The following TTC7B variants were observed in gnomAD, a reference collection of about 807,000 sequenced individuals.
TTC7B encodes tetratricopeptide repeat domain 7B.
A neutral mutation model predicts 106.8 loss-of-function variants in TTC7B; 28 were observed. The observed-to-expected ratio is 0.26, with a 90% CI of 0.19 to 0.36. TTC7B has a LOEUF of 0.36. TTC7B is among the 10% of genes least tolerant of loss of function. TTC7B has a pLI of 1.00. For missense variants in TTC7B, 862 were observed against 1,076.4 expected (o/e 0.80, Z 2.79); for synonymous variants, 405 against 430.6 (o/e 0.94, Z 0.74).
chr14:90,534,649 G>C lies in TTC7B; in HGVS notation c.*6719C>G, dbSNP rs1889372767. 6.6e-6 allele frequency: 1 copy of C among 152,510 alleles called. No individual in the cohort carries two copies. Among genetic ancestry groups the C allele is most frequent in the African/African-American group, 2.4e-5 (1 of 41,476 alleles). The allele number at this position is 152,510 out of a possible 1,614,324, so 9.4% of individuals were successfully genotyped here. On this transcript the variant is annotated 3_prime_UTR_variant, in exon 20 of 20. Transcript: ENST00000328459. The stretch of plus-strand genomic sequence containing the variant: ...ATGGAGAGAGGGGGCCGAGTGGCAG[G>C]GGCCGAGCGCTGGGAGGGTATGGGG...
chr14:90,552,742 G>C (rs147400761), intron 19 of TTC7B, among the ~76,000 whole-genome samples: 298 of 152,356 alleles, frequency 2.0e-3, no homozygotes, highest in African/African-American at 6.9e-3. Context: ...GAGAGCTCCA[G>C]AAGATGTGAG....
intron 15 of TTC7B, among the ~76,000 whole-genome samples, chr14:90,639,074 A>G (rs1394681816): frequency 1.3e-5 from 2 of 152,212 alleles, no homozygotes; most frequent in Non-Finnish European, 2.9e-5. Context: ...CTTAGGTTTC[A>G]GTGTGAAAGA....
chr14:90,758,420 A>T (rs1361098690), intron 3 of TTC7B, among the ~76,000 whole-genome samples: 1 of 79,052 alleles, frequency 1.3e-5, no homozygotes, highest in Non-Finnish European at 2.5e-5. Context: ...GGTCGGGGAC[A>T]GCAGTGAGCG....
At chr14:90,722,070 C>T (rs762411620) in intron 5 of TTC7B, among the ~76,000 whole-genome samples, 2 of 152,208 alleles carry the variant, frequency 1.3e-5, no homozygotes, top group Non-Finnish European at 2.9e-5. Flanking sequence ...GAGCGTGGAA[C>T]AGCGATCTAG....
In TTC7B at chr14:90,625,227, T is replaced by C. The variant is rs186677613; in HGVS notation, c.1752-7182A>G. The stretch of plus-strand genomic sequence containing the variant: ...AAAGAGATGTGCCAGTAGCATGTCG[T>C]GACCGGGAGAAGGCAGATGGGAATG... On this transcript the variant is annotated intron_variant, in intron 15 of 19. Transcript: ENST00000328459. Among the ~76,000 whole-genome samples the C allele has an allele frequency of 2.6e-5, 4 of 152,280 alleles. No individual in the cohort carries two copies. In the East Asian group the frequency reaches 7.7e-4, roughly 29 times the overall value.
intron 18 of TTC7B, among the ~76,000 whole-genome samples, chr14:90,592,167 G>A (rs942066729): frequency 6.6e-6 from 1 of 152,152 alleles, no homozygotes; most frequent in African/African-American, 2.4e-5. Flanking sequence ...AATATCATAC[G>A]ATTAGCCTTG....
At chr14:90,787,288 A>G (rs543685839) in intron 1 of TTC7B, among the ~76,000 whole-genome samples, 105 of 152,360 alleles carry the variant, frequency 6.9e-4, no homozygotes, top group African/African-American at 2.1e-3. Flanking sequence ...AGTTCACTCC[A>G]GGAGCAGCTC....
chr14:90,750,558 T>C (rs1361543463), intron 3 of TTC7B, among the ~76,000 whole-genome samples: 1 of 152,234 alleles, frequency 6.6e-6, no homozygotes, highest in African/African-American at 2.4e-5. Flanking sequence ...CAGTCATGTA[T>C]GGTCAGTAAG....
chr14:90,678,046 C>T (rs1330252564), intron 8 of TTC7B, among the ~76,000 whole-genome samples: 1 of 152,158 alleles, frequency 6.6e-6, no homozygotes, highest in African/African-American at 2.4e-5. Flanking sequence ...ATATATGTTC[C>T]ATACTGAGAC....
chr14:90,685,858 A>C (rs1887234448), intron 7 of TTC7B, among the ~76,000 whole-genome samples: 2 of 152,106 alleles, frequency 1.3e-5, no homozygotes, highest in African/African-American at 4.8e-5. Context: ...TTAAAAAAAA[A>C]CAAAAAAAAC....
intron 4 of TTC7B, among the ~76,000 whole-genome samples, chr14:90,730,525 G>A (rs117413965): frequency 1.3e-5 from 2 of 152,326 alleles, no homozygotes; most frequent in East Asian, 3.9e-4. Context: ...GGAAGGCTGG[G>A]GACACGGAAG....
At chr14:90,708,145 C>CAA (rs56260414) in intron 5 of TTC7B, among the ~76,000 whole-genome samples, 1,341 of 60,774 alleles carry the variant, frequency 0.022, 82 homozygotes, top group African/African-American at 0.07. Flanking sequence ...GACTCCATCT[C>CAA]AAAAAAAAAA....
intron 1 of TTC7B, among the ~76,000 whole-genome samples, chr14:90,798,163 G>A (rs1346275098): frequency 3.9e-5 from 6 of 152,274 alleles, no homozygotes; most frequent in African/African-American, 7.2e-5. Flanking sequence ...CCTGCTGAAC[G>A]ATAAAAGGCC....
chr14:90,610,225 T>C (rs551271276), intron 17 of TTC7B, among the ~76,000 whole-genome samples: 4 of 152,226 alleles, frequency 2.6e-5, no homozygotes, highest in African/African-American at 9.7e-5. Flanking sequence ...TCCCCTGTAC[T>C]TAGGCAAATG....
At chr14:90,769,111 A>C (rs1890781380) in intron 3 of TTC7B, among the ~76,000 whole-genome samples, 1 of 152,228 alleles carries the variant, frequency 6.6e-6, no homozygotes, top group Non-Finnish European at 1.5e-5. Flanking sequence ...CATTTAAGTT[A>C]GAGTGTTAAA....
chr14:90,793,292 G>A (rs1487769789), intron 1 of TTC7B, among the ~76,000 whole-genome samples: 1 of 152,146 alleles, frequency 6.6e-6, no homozygotes, highest in Non-Finnish European at 1.5e-5. Flanking sequence ...GGGAGGCCAA[G>A]GTGGGCGGAT....
intron 9 of TTC7B, among the ~76,000 whole-genome samples, chr14:90,662,512 C>T (rs1186634103): frequency 6.6e-6 from 1 of 152,208 alleles, no homozygotes; most frequent in Admixed American, 6.5e-5. Context: ...TTCCAGCCCC[C>T]AACAAGTTGT....
In TTC7B at chr14:90,707,208, A is replaced by T. The variant is rs1888246277; in HGVS notation, c.699-11630T>A. On this transcript the variant is annotated intron_variant, in intron 5 of 19. Coordinates refer to ENST00000328459, the MANE Select transcript of TTC7B (RefSeq NM_001010854.2). ...TTATTTTCATCATCTGTTATCAGTGATCTTTGATAATACCATAATTGTTTG... is the reference window on the plus strand; with the variant it reads ...TTATTTTCATCATCTGTTATCAGTGTTCTTTGATAATACCATAATTGTTTG... Among the ~76,000 whole-genome samples the T allele has an allele frequency of 1.3e-5, 2 of 152,196 alleles. 1 individual carries two copies. The highest frequency in any genetic ancestry group is 4.1e-4 in the South Asian group (2 of 4,834).
At chr14:90,796,866 T>C (rs936007439) in intron 1 of TTC7B, among the ~76,000 whole-genome samples, 3 of 151,362 alleles carry the variant, frequency 2.0e-5, no homozygotes, top group African/African-American at 7.3e-5. Context: ...CTTTTTTTTT[T>C]TGAGACAGTC....
Sources: allele counts gnomAD v4.1 joint callset (sites outside exome capture counted in the v4.1 genomes callset), GRCh38; gene constraint gnomAD v4.1.1; transcripts MANE v1.5; gene names NCBI Gene and HGNC (gene_info 2026-07-23, HGNC 2026-07-21).